Variants in AADAT observed in about 807,000 individuals in gnomAD.
The protein encoded by AADAT is aminoadipate aminotransferase, also known as kynurenine/alpha-aminoadipate aminotransferase, mitochondrial.
Under a neutral mutation model 56.2 loss-of-function variants are expected in AADAT, and 25 were observed. That is an observed-to-expected ratio of 0.44 (90% CI 0.32 to 0.62). AADAT has a LOEUF of 0.62. Among genes scored for constraint, AADAT ranks in the 20% least tolerant of loss-of-function variants. The pLI, the probability that AADAT is intolerant of heterozygous loss-of-function variation, is 0.04. For synonymous variants in AADAT, 173 were observed against 164.7 expected (o/e 1.05, Z -0.39); for missense variants, 387 against 510.5 (o/e 0.76, Z 2.33).
intron 11 of AADAT, among the ~76,000 whole-genome samples, chr4:170,062,436 G>A (rs951870361): frequency 3.3e-5 from 5 of 152,212 alleles, no homozygotes; most frequent in Admixed American, 6.5e-5. Context: ...GCAGGGAGCA[G>A]TATTTGAGGG....
upstream of AADAT, chr4:170,090,296 G>A (rs1358012140): frequency 6.6e-6 from 1 of 152,052 alleles, no homozygotes; most frequent in Non-Finnish European, 1.5e-5. Flanking sequence ...CCACTGCAGG[G>A]GGCTCCCGAG....
chr4:170,074,609 G>A (rs571789000), intron 4 of AADAT, among the ~76,000 whole-genome samples: 18 of 152,132 alleles, frequency 1.2e-4, no homozygotes, highest in African/African-American at 2.7e-4. Flanking sequence ...CAGATACAGC[G>A]CAGCCTGGAA....
intron 11 of AADAT, among the ~76,000 whole-genome samples, chr4:170,064,247 T>C (rs4145964): frequency 0.45 from 67,921 of 152,094 alleles, 15,447 homozygotes; most frequent in East Asian, 0.68. Context: ...TTTTAAATAC[T>C]AGTGGCTAAT....
intron 4 of AADAT, among the ~76,000 whole-genome samples, chr4:170,074,696 G>A (rs1479566867): frequency 2.0e-5 from 3 of 152,122 alleles, no homozygotes; most frequent in South Asian, 4.1e-4. Flanking sequence ...TAGGAGAGGG[G>A]TCAGGGAAGC....
Position 170,084,320 on chromosome 4 carries a change from T to C in AADAT, c.369+2796A>G, listed in dbSNP as rs557845219. ...ACTGTATACTTAAAAATGGCAAGGATAGCAAATCTTATATGTGTATTTTAT... is the reference window on the plus strand; with the variant it reads ...ACTGTATACTTAAAAATGGCAAGGACAGCAAATCTTATATGTGTATTTTAT... On this transcript the variant is annotated intron_variant, in intron 3 of 12. Coordinates refer to ENST00000337664, the MANE Select transcript of AADAT (RefSeq NM_016228.4). 1.7e-4 allele frequency among the ~76,000 whole-genome samples: 26 copies of C among 152,178 alleles called. No individual in the cohort carries two copies. In the East Asian group the frequency reaches 4.6e-3, roughly 27 times the overall value.
At chr4:170,078,481 G>A in intron 4 of AADAT, 28 bp downstream of exon 4, 1 of 1,418,614 alleles carries the variant, frequency 7.0e-7, no homozygotes, top group Non-Finnish European at 9.9e-7. Flanking sequence ...CTACAAGAGA[G>A]TTGCCTTTAG....
intron 6 of AADAT, among the ~76,000 whole-genome samples, chr4:170,069,636 C>T (rs570178293): frequency 3.9e-5 from 6 of 152,176 alleles, no homozygotes; most frequent in African/African-American, 1.2e-4. Flanking sequence ...AGAGAGAGAA[C>T]GCTGATCCTT....
Position 170,061,966 on chromosome 4 carries a change from A to G in AADAT, c.1162T>C (p.Tyr388His), listed in dbSNP as rs1255889934. The part of the protein sequence containing the change: ...GVLMLPGNAF[Y>H]VDSSAPSPYL... ...GGGCTAGGAGCTGAGCTATCGACGT[A>G]GAAAGCATTTCCAGGGAGCATTAAT... Residue 388 changes from tyrosine (Y) to histidine (H), a missense_variant, in exon 12 of 13, where the codon TAC becomes CAC. Tyr to His is a moderately conservative substitution (Grantham distance 83, BLOSUM62 2). Transcript: ENST00000337664. The G allele has an allele frequency of 1.2e-6, 2 of 1,612,954 alleles. No homozygotes were observed.
chr4:170,086,730 C>T (rs2111212816), intron 3 of AADAT, among the ~76,000 whole-genome samples: 1 of 152,250 alleles, frequency 6.6e-6, no homozygotes. Flanking sequence ...GTTAATAGGT[C>T]TGGGTAATTG....
chr4:170,065,751 T>G (rs1731428175), intron 10 of AADAT, among the ~76,000 whole-genome samples: 1 of 152,226 alleles, frequency 6.6e-6, no homozygotes. Flanking sequence ...TCCACCCACC[T>G]TGGCCTCCCA....
chr4:170,077,060 T>C (rs1732073640), intron 4 of AADAT, among the ~76,000 whole-genome samples: 1 of 152,214 alleles, frequency 6.6e-6, no homozygotes, highest in Non-Finnish European at 1.5e-5. Flanking sequence ...TATTGGTCTA[T>C]ATGATTGTCT....
intron 11 of AADAT, among the ~76,000 whole-genome samples, chr4:170,064,149 TA>T (rs1050006708): frequency 1.4e-4 from 21 of 152,280 alleles, no homozygotes; most frequent in African/African-American, 4.8e-4. Flanking sequence ...ATGGGCTATT[TA>T]AAAAATTTTC....
chr4:170,067,451 A>G (rs1017810752), intron 8 of AADAT, 63 bp from the exon 9 acceptor site: 14 of 1,370,176 alleles, frequency 1.0e-5, no homozygotes, highest in African/African-American at 1.4e-5. Flanking sequence ...TTTGCCATAT[A>G]TAAAAGCAAC....
At chr4:170,073,027 T>C (rs1561016571) in intron 5 of AADAT, 109 bp downstream of exon 5, 1 of 1,009,090 alleles carries the variant, frequency 9.9e-7, no homozygotes, top group Non-Finnish European at 1.5e-6. Context: ...TTAAAAATTA[T>C]ATTCCTTGAA....
intron 5 of AADAT, among the ~76,000 whole-genome samples, chr4:170,072,843 C>G (rs111433788): frequency 0.054 from 8,208 of 152,148 alleles, 344 homozygotes; most frequent in Non-Finnish European, 0.084. Flanking sequence ...GGAAATCAAA[C>G]TTGGGATAAA....
At chr4:170,083,725 C>T (rs1025188663) in intron 3 of AADAT, among the ~76,000 whole-genome samples, 6 of 151,952 alleles carry the variant, frequency 3.9e-5, no homozygotes, top group African/African-American at 9.7e-5. Flanking sequence ...AGTTTCAAAA[C>T]GACAAGTGAT....
chr4:170,086,202 C>T (rs1174704785), intron 3 of AADAT, among the ~76,000 whole-genome samples: 5 of 151,574 alleles, frequency 3.3e-5, no homozygotes, highest in East Asian at 1.9e-4. Flanking sequence ...GCCGTGATTG[C>T]GCCACCGCAC....
At chr4:170,089,407 C>A (rs1732728014) in intron 1 of AADAT, 2 of 609,812 alleles carry the variant, frequency 3.3e-6, no homozygotes, top group Non-Finnish European at 5.8e-6. Context: ...TGCTCCTACT[C>A]TGCTCCAGCA....
intron 2 of AADAT, among the ~76,000 whole-genome samples, chr4:170,087,823 T>C (rs1211209957): frequency 6.6e-6 from 1 of 151,910 alleles, no homozygotes; most frequent in Admixed American, 6.6e-5. Flanking sequence ...TGTTTCAGCT[T>C]GCCTTTAAGA....
Sources: gnomAD v4.1 joint callset for allele counts (sites outside exome capture counted in the v4.1 genomes callset) on GRCh38, gnomAD v4.1.1 for gene constraint, MANE v1.5 for transcripts, NCBI Gene and HGNC (gene_info 2026-07-23, HGNC 2026-07-21) for gene names.